Variants in EIF4G1 observed in about 807,000 individuals in gnomAD.
The protein encoded by EIF4G1 is eukaryotic translation initiation factor 4 gamma 1, also known as EIF4-gamma.
EIF4G1 carries 4 observed loss-of-function variants against 187.8 expected under a neutral mutation model. The ratio of observed to expected loss-of-function variants is 0.02; its 90% CI spans 0.01 to 0.05. The LOEUF (loss-of-function observed/expected upper bound fraction) is 0.05. Ranked by LOEUF, EIF4G1 falls within the 10% of genes least tolerant of loss-of-function variation. The probability of loss-of-function intolerance (pLI) is 1.00; values close to 1 mark genes in which losing one functional copy is unlikely to be tolerated. For missense variants in EIF4G1, 1,647 were observed against 2,081.1 expected, an observed-to-expected ratio of 0.79 and a Z score of 4.06; for synonymous variants, 844 against 781.4, an observed-to-expected ratio of 1.08 and a Z score of -1.34.
At chr3:184,332,519 C>G (rs1398068384) in intron 32 of EIF4G1, among the ~76,000 whole-genome samples, 3 of 152,108 alleles carry the variant, frequency 2.0e-5, no homozygotes, top group Non-Finnish European at 4.4e-5. Context: ...GTTATGCATT[C>G]AGAACATAGG....
At chr3:184,329,447 A>G (rs1381096255) in intron 28 of EIF4G1, among the ~76,000 whole-genome samples, 2 of 152,174 alleles carry the variant, frequency 1.3e-5, no homozygotes, top group Non-Finnish European at 2.9e-5. Flanking sequence ...CTTGGCCAAT[A>G]TGGTGAAACC....
rs997409578 is a variant in EIF4G1 at position 184,325,794 on chromosome 3, G to A, written c.3122-57G>A. The A allele has an allele frequency of 1.2e-6, 2 of 1,612,776 alleles. No individual in the cohort carries two copies. Among genetic ancestry groups the A allele is most frequent in the African/African-American group, 2.7e-5 (2 of 74,888 alleles). On this transcript the variant is annotated intron_variant, in intron 20 of 32. Coordinates refer to ENST00000346169, the MANE Select transcript of EIF4G1 (RefSeq NM_198241.3). The surrounding 1 kb of genome is among the most constrained non-coding windows in gnomAD (Gnocchi z 5.2). ...GAAGGGAGGCTGGGGGTGGCCCAAG[G>A]GGAAGGGGCTGCTAGGATTTATTCA... is the stretch of plus-strand genomic sequence containing the variant.
At position 184,321,798 on chromosome 3, in the gene EIF4G1, A is replaced by G. The variant is rs369122710; in HGVS notation, c.1214A>G (p.Asn405Ser). The change falls in exon 10 of 33, where the codon AAC becomes AGC. Residue 405 changes from asparagine to serine, a missense_variant. Coordinates refer to ENST00000346169, the MANE Select transcript of EIF4G1 (RefSeq NM_198241.3). The stretch of plus-strand genomic sequence containing the variant: ...ACTGCCCAACCTGAGGAACTGCTCA[A>G]CGGAGCCCCCTCGCCACCAGCTGTG... The part of the protein sequence containing the change: ...APTAQPEELL[N>S]GAPSPPAVDL... The G allele has an allele frequency of 2.5e-6, 4 of 1,613,772 alleles. No individual in the cohort carries two copies. The highest frequency in any genetic ancestry group is 2.5e-6 in the Non-Finnish European group (3 of 1,179,710).
chr3:184,321,617 C>T lies in EIF4G1; in HGVS notation c.1033C>T (p.Leu345Phe), dbSNP rs1251323549. 2.5e-6 allele frequency: 4 copies of T among 1,613,512 alleles called. No homozygotes were observed. The highest frequency in any genetic ancestry group is 4.5e-5 in the East Asian group (2 of 44,870). ...VPESEFSSSP[L>F]QAPTPLASHT... Reference sequence around the variant, plus strand: ...AGAATCTGAGTTTTCTTCCAGTCCTCTCCAGGCTCCCACCCCTTTGGCATC... The same window carrying T: ...AGAATCTGAGTTTTCTTCCAGTCCTTTCCAGGCTCCCACCCCTTTGGCATC... The change falls in exon 10 of 33, where the codon CTC becomes TTC. Residue 345 changes from leucine to phenylalanine, a missense_variant. Physicochemically the swap from Leu to Phe is conservative, Grantham distance 22 (BLOSUM62 0). Around this residue, in one of 11 missense-constraint regions of EIF4G1, gnomAD observed 522 missense variants for 485.2 expected, o/e 1.08. Transcript: ENST00000346169.
chr3:184,315,725 G>A (rs1277586390), intron 2 of EIF4G1, 38 bp from the exon 3 acceptor site: 29 of 1,501,084 alleles, frequency 1.9e-5, no homozygotes, highest in Non-Finnish European at 2.5e-5. Context: ...TTAAGCTTGG[G>A]TCCCTTCCTC....
At chr3:184,326,386 A>C (rs906247855) in intron 21 of EIF4G1, 141 bp from the exon 22 acceptor site, 1 of 811,708 alleles carries the variant, frequency 1.2e-6, no homozygotes, top group Non-Finnish European at 2.1e-6. Context: ...AGTAGTTGCA[A>C]TAGAGACTGG....
rs201604698 is a variant in EIF4G1 at position 184,322,541 on chromosome 3, T to C, written c.1609-3T>C. 190 of 1,614,138 alleles carry C rather than the reference T, an allele frequency of 1.2e-4. 1 individual carries two copies. Among genetic ancestry groups the C allele is most frequent in the Non-Finnish European group, 1.5e-4 (180 of 1,180,020 alleles). On this transcript the variant is annotated splice_region_variant and splice_polypyrimidine_tract_variant and intron_variant, in intron 11 of 32. Transcript: ENST00000346169. ...ACCAAAACTGGATGTTCTGTTGTTC[T>C]AGGCGAACCCGGCAGTACCAGAGGT... is the stretch of plus-strand genomic sequence containing the variant.
chr3:184,334,993 CGGCGGTGGCAGT>C lies in EIF4G1; in HGVS notation c.*88_*99del. The C allele has an allele frequency of 6.4e-7, 1 of 1,565,856 alleles. No homozygotes were observed. The highest frequency in any genetic ancestry group is 2.3e-5 in the East Asian group (1 of 43,650). On this transcript the variant is annotated 3_prime_UTR_variant, in exon 33 of 33. Coordinates refer to ENST00000346169, the MANE Select transcript of EIF4G1 (RefSeq NM_198241.3). This position sits in a 1 kb window ranked among gnomAD's most constrained non-coding sequence, Gnocchi z 5.8. ...CTGGACTGCAGGGGGGCGGCAGCAG[CGGCGGTGGCAGT>C]GGGTGCCTGTAGTGTGATGTGTCTG...
chr3:184,322,529 G>C lies in EIF4G1; in HGVS notation c.1609-15G>C. 1.2e-6 allele frequency: 2 copies of C among 1,614,126 alleles called. No individual in the cohort carries two copies. Among genetic ancestry groups the C allele is most frequent in the Non-Finnish European group, 1.7e-6 (2 of 1,180,018 alleles). ...GGTCATTCTGCAACCAAAACTGGAT[G>C]TTCTGTTGTTCTAGGCGAACCCGGC... On this transcript the variant is annotated splice_polypyrimidine_tract_variant and intron_variant, in intron 11 of 32. Transcript: ENST00000346169.
At chr3:184,321,142 T>A in intron 9 of EIF4G1, 140 bp from the exon 10 acceptor site, 1 of 1,489,502 alleles carries the variant, frequency 6.7e-7, no homozygotes, top group Admixed American at 1.9e-5. Context: ...GGGTTTTGGA[T>A]GAAAGTGGAA....
chr3:184,321,252 A>G (rs748301911), intron 9 of EIF4G1, 30 bp from the exon 10 acceptor site: 3 of 1,613,744 alleles, frequency 1.9e-6, no homozygotes, highest in Non-Finnish European at 1.7e-6. Flanking sequence ...ACTTGCCTTT[A>G]GTTGCTCATT....
chr3:184,315,589 G>T, intron 2 of EIF4G1, 44 bp downstream of exon 2: 2 of 769,206 alleles, frequency 2.6e-6, no homozygotes, highest in Non-Finnish European at 2.4e-6. Context: ...TTGGTTGGAA[G>T]TGATGCGGGT....
At position 184,321,926 on chromosome 3, in the gene EIF4G1, G is replaced by C; in HGVS notation, c.1342G>C (p.Ala448Pro). Residue 448 changes from alanine to proline, a missense_variant, in exon 10 of 33, where the codon GCT becomes CCT. Transcript: ENST00000346169. ...TGCTACTCCAGCTACGGCTCCTTCA[G>C]CTACTTCCCCAGCTCAGGAGGAGGA... ...PSATPATAPS[A>P]TSPAQEEEME... The C allele has an allele frequency of 6.2e-7, 1 of 1,614,174 alleles. No individual in the cohort carries two copies. Among genetic ancestry groups the C allele is most frequent in the Non-Finnish European group, 8.5e-7 (1 of 1,180,020 alleles).
rs970368704 is a variant in EIF4G1, at chr3:184,319,685, C to G, written c.425-4C>G. 3.2e-6 allele frequency: 5 copies of G among 1,575,432 alleles called. No homozygotes were observed. The highest frequency in any genetic ancestry group is 1.2e-5 in the South Asian group (1 of 86,688). On this transcript the variant is annotated splice_region_variant and splice_polypyrimidine_tract_variant and intron_variant, in intron 6 of 32. Coordinates refer to ENST00000346169, the MANE Select transcript of EIF4G1 (RefSeq NM_198241.3). ...CCATTCTTCTCCGTCCCCCCTCCCC[C>G]AAGCTGGCGCCTACTATCCAGCCCA...
chr3:184,334,558 G>A lies in EIF4G1; in HGVS notation c.4619-169G>A, dbSNP rs557330600. Among the ~76,000 whole-genome samples the A allele has an allele frequency of 6.6e-6, 1 of 152,286 alleles. No individual in the cohort carries two copies. Among genetic ancestry groups the A allele is most frequent in the South Asian group, 2.1e-4 (1 of 4,822 alleles). ...GACTCATTGCTGTGCAGCAGTCTCA[G>A]ATCATGAGATTAGCATCCTGTCAGA... On this transcript the variant is annotated intron_variant, in intron 32 of 32. Coordinates refer to ENST00000346169, the MANE Select transcript of EIF4G1 (RefSeq NM_198241.3). The surrounding 1 kb of genome is among the most constrained non-coding windows in gnomAD (Gnocchi z 5.8).
At position 184,321,836 on chromosome 3, in the gene EIF4G1, G is replaced by GCT; in HGVS notation, c.1252_1253insCT (p.Val418AlafsTer12). 6.2e-7 allele frequency: 1 copy of GCT among 1,614,178 alleles called. No homozygotes were observed. The highest frequency in any genetic ancestry group is 1.1e-5 in the South Asian group (1 of 91,088). ...GCCACCAGCTGTGGACTTAAGCCCA[G>GCT]TCAGTGAGCCAGAGGAGCAGGCCAA... On this transcript the variant is annotated frameshift_variant, in exon 10 of 33. Coordinates refer to ENST00000346169, the MANE Select transcript of EIF4G1 (RefSeq NM_198241.3). LOFTEE classifies it high-confidence loss of function.
Position 184,325,773 on chromosome 3 carries a change from G to A in EIF4G1, c.3122-78G>A. ...TGATGGAACTGAGGATCTGAGGAAG[G>A]GAGGCTGGGGGTGGCCCAAGGGGAA... On this transcript the variant is annotated intron_variant, in intron 20 of 32. Transcript: ENST00000346169. This position sits in a 1 kb window ranked among gnomAD's most constrained non-coding sequence, Gnocchi z 5.2. 2 of 1,611,468 alleles carry A rather than the reference G, an allele frequency of 1.2e-6. No individual in the cohort carries two copies. Among genetic ancestry groups the A allele is most frequent in the East Asian group, 4.5e-5 (2 of 44,876 alleles).
At chr3:184,322,988 T>G in intron 13 of EIF4G1, 34 bp downstream of exon 13, 2 of 1,614,022 alleles carry the variant, frequency 1.2e-6, no homozygotes, top group Non-Finnish European at 1.7e-6. Flanking sequence ...GGACGATAAG[T>G]TTGTGCTGGA....
rs1306404950 is a variant in EIF4G1, at chr3:184,328,721, G to T, written c.4044G>T (p.Leu1348=). The T allele has an allele frequency of 6.2e-7, 1 of 1,614,198 alleles. No homozygotes were observed. ...LYLAELVTPI[L]QEGGVPMGEL... ...TAGCGGAACTGGTAACACCCATTCT[G>T]CAGGAAGGTGGGGTGCCCATGGGGG... The change falls in exon 27 of 33, where the codon CTG becomes CTT. Residue 1348 remains leucine, a synonymous_variant. Transcript: ENST00000346169.
Sources: gnomAD v4.1 joint callset for allele counts (sites outside exome capture counted in the v4.1 genomes callset) on GRCh38, gnomAD v4.1.1 for gene constraint, gnomAD v4.1.1 regional missense constraint, Gnocchi (gnomAD v3.1) non-coding constraint, MANE v1.5 for transcripts, NCBI Gene and HGNC (gene_info 2026-07-23, HGNC 2026-07-21) for gene names.